Variants in CEP164 observed in about 807,000 individuals in gnomAD.
CEP164 encodes the protein centrosomal protein of 164 kDa.
CEP164 carries 162 observed loss-of-function variants against 182.7 expected under a neutral mutation model. The observed-to-expected ratio is 0.89, with a 90% CI of 0.78 to 1.01. The LOEUF (loss-of-function observed/expected upper bound fraction) is 1.01, where lower values mean the gene tolerates loss of function less well. Ranked by LOEUF, CEP164 falls within the 50% of genes least tolerant of loss-of-function variation. The pLI is 0.00. For missense variants in CEP164, 1,735 were observed against 1,790.4 expected (o/e 0.97, Z 0.56); for synonymous variants, 661 against 690.0 (o/e 0.96, Z 0.66).
Position 117,381,688 on chromosome 11 carries a change from C to A in CEP164, c.1410-13C>A. 1 of 1,603,194 alleles carries A rather than the reference C, an allele frequency of 6.2e-7. No individual in the cohort carries two copies. ...GAGGGGCCTGACTCTGCTGCTCTGC[C>A]CGGCCTGACCAGGTTATCTCCTCCA... On this transcript the variant is annotated splice_polypyrimidine_tract_variant and intron_variant, in intron 12 of 32. Transcript: ENST00000278935.
intron 2 of CEP164, chr11:117,336,141 C>T: frequency 2.6e-6 from 4 of 1,563,870 alleles, no homozygotes; most frequent in Non-Finnish European, 3.5e-6. Context: ...AACATGGCTT[C>T]TGAAGCTTGA....
In CEP164 at chr11:117,372,820, C is replaced by T. The variant is rs145385052; in HGVS notation, c.1153-931C>T. ...TGTGTCGTGACGAGATGGGGGTGGT[C>T]GGGGCAGTAGGTACCACATTTGGCT... On this transcript the variant is annotated intron_variant, in intron 9 of 32. Transcript: ENST00000278935. Among the ~76,000 whole-genome samples, 67 of 152,230 alleles carry T rather than the reference C, an allele frequency of 4.4e-4. 1 individual carries two copies. The East Asian group carries it at 7.0e-3, about 16-fold the overall frequency.
intron 14 of CEP164, chr11:117,384,783 TG>T (rs1175642393): frequency 6.6e-6 from 1 of 152,226 alleles, no homozygotes; most frequent in Non-Finnish European, 1.5e-5. Context: ...CAGGAATGGA[TG>T]GGTTGTCTAG....
chr11:117,392,299 G>A lies in CEP164; in HGVS notation c.2357G>A (p.Arg786Gln), dbSNP rs1296625218. 9.3e-6 allele frequency: 15 copies of A among 1,610,264 alleles called. No individual in the cohort carries two copies. The highest frequency in any genetic ancestry group is 1.7e-5 in the Admixed American group (1 of 59,854). ...RLCSSLEAKH[R>Q]EVVSSLQKKI... ...TGCTCCTCATTGGAGGCCAAGCACC[G>A]GGAGGTAAGATGCAGCATCCTGGGC... Residue 786 changes from arginine to glutamine, a missense_variant, in exon 18 of 33, where the codon CGG (arginine) becomes CAG (glutamine). Transcript: ENST00000278935.
Position 117,344,266 on chromosome 11 carries a change from G to C in CEP164, c.183G>C (p.Glu61Asp), listed in dbSNP as rs745920052. 2 of 1,612,204 alleles carry C rather than the reference G, an allele frequency of 1.2e-6. No homozygotes were observed. The highest frequency in any genetic ancestry group is 1.7e-6 in the Non-Finnish European group (2 of 1,179,100). Residue 61 changes from glutamate to aspartate, a missense_variant, in exon 4 of 33, where the codon GAG becomes GAC. Glu to Asp is a conservative substitution (Grantham distance 45, BLOSUM62 2). Coordinates refer to ENST00000278935, the MANE Select transcript of CEP164 (RefSeq NM_014956.5). ...GCATCGTGGCCCCACTGCCTGGAGA[G>C]TGGAAACCATGGTAAGTCAGCAGGG... is the stretch of plus-strand genomic sequence containing the variant. ...REGIVAPLPG[E>D]WKPCQDITGD...
At chr11:117,363,137 T>C (rs554620271) in intron 7 of CEP164, among the ~76,000 whole-genome samples, 2 of 152,368 alleles carry the variant, frequency 1.3e-5, no homozygotes, top group East Asian at 3.9e-4. Flanking sequence ...AGAAGTTTTT[T>C]TGGCCTACAG....
chr11:117,322,282 A>AT (rs1386454563), intron 1 of CEP164, among the ~76,000 whole-genome samples: 1 of 151,800 alleles, frequency 6.6e-6, no homozygotes, highest in Non-Finnish European at 1.5e-5. Context: ...TGCCCGGCTA[A>AT]TTTTTTGTAT....
At chr11:117,396,489 T>C in intron 25 of CEP164, 61 bp from the exon 26 acceptor site, 1 of 1,408,996 alleles carries the variant, frequency 7.1e-7, no homozygotes, top group Non-Finnish European at 1.0e-6. Flanking sequence ...TTTGGGGTCT[T>C]GAACCTGCAG....
Position 117,363,509 on chromosome 11 carries a change from A to G in CEP164, c.765+3A>G. ...TGGGGGGTGACTTTGAGTATGAGGT[A>G]AGAGCCCTAATCCCTACAGGCACAT... On this transcript the variant is annotated splice_donor_region_variant and intron_variant, in intron 8 of 32. Coordinates refer to ENST00000278935, the MANE Select transcript of CEP164 (RefSeq NM_014956.5). 6.2e-7 allele frequency: 1 copy of G among 1,608,604 alleles called. No homozygotes were observed. The highest frequency in any genetic ancestry group is 1.3e-5 in the African/African-American group (1 of 74,916).
Position 117,380,619 on chromosome 11 carries a change from G to T in CEP164, c.1323G>T (p.Gln441His). 6 of 1,599,474 alleles carry T rather than the reference G, an allele frequency of 3.8e-6. No individual in the cohort carries two copies. The highest frequency in any genetic ancestry group is 5.1e-6 in the Non-Finnish European group (6 of 1,172,756). Residue 441 changes from glutamine (Q) to histidine (H), a missense_variant, in exon 12 of 33, where the codon CAG (glutamine) becomes CAT (histidine). By Grantham distance (24) the Gln-to-His change is conservative (BLOSUM62 0). Coordinates refer to ENST00000278935, the MANE Select transcript of CEP164 (RefSeq NM_014956.5). ...TTATTGCTTCTCTCCTACAGGCCCAGCAACCACTGGGAATAGAAGACAAGG... is the reference window on the plus strand; with the variant it reads ...TTATTGCTTCTCTCCTACAGGCCCATCAACCACTGGGAATAGAAGACAAGG... The part of the protein sequence containing the change: ...PVLGGACRQA[Q>H]QPLGIEDKDD...
rs778063953 is a variant in CEP164, at chr11:117,409,734, T to TCGC, written c.3875_3877dup (p.Pro1292dup). The TCGC allele has an allele frequency of 3.1e-6, 5 of 1,613,740 alleles. No individual in the cohort carries two copies. The highest frequency in any genetic ancestry group is 4.2e-6 in the Non-Finnish European group (5 of 1,179,860). On this transcript the variant is annotated inframe_insertion, in exon 30 of 33. Transcript: ENST00000278935. The surrounding 1 kb of genome is among the most constrained non-coding windows in gnomAD (Gnocchi z 4.4). ...CATCCTGGACAGCCTCAACCCTCAG[T>TCGC]CGCCGCCGCCGCTCCTCGCCTCCAT...
chr11:117,355,646 C>G, intron 5 of CEP164: 1 of 1,192,694 alleles, frequency 8.4e-7, no homozygotes, highest in Non-Finnish European at 1.1e-6. Context: ...TACTGAAGAC[C>G]TGAGCTGGCA....
chr11:117,392,154 C>G (rs1249730635), intron 17 of CEP164, 72 bp from the exon 18 acceptor site: 1 of 1,398,222 alleles, frequency 7.2e-7, no homozygotes, highest in Non-Finnish European at 9.6e-7. Context: ...GGTCGGTAGT[C>G]TTCCTGGCTC....
intron 28 of CEP164, 107 bp from the exon 29 acceptor site, chr11:117,408,783 A>G (rs1389881918): frequency 3.5e-6 from 5 of 1,425,450 alleles, no homozygotes; most frequent in Admixed American, 2.2e-5. Flanking sequence ...AAGACAAAAC[A>G]TAAAGAAGAA....
chr11:117,392,495 G>A lies in CEP164; in HGVS notation c.2362-1G>A. On this transcript the variant is annotated splice_acceptor_variant, in intron 18 of 32. Transcript: ENST00000278935. LOFTEE classifies it high-confidence loss of function. ...CCCTGTGTGTGCGGGGGCCTCCTCA[G>A]GTGGTCTCCAGCCTCCAGAAGAAGA... The A allele has an allele frequency of 6.2e-7, 1 of 1,613,380 alleles. No individual in the cohort carries two copies. The highest frequency in any genetic ancestry group is 8.5e-7 in the Non-Finnish European group (1 of 1,179,698).
Position 117,338,548 on chromosome 11 carries a change from G to T in CEP164, c.-21-18G>T. The T allele has an allele frequency of 1.3e-6, 2 of 1,562,764 alleles. No homozygotes were observed. The highest frequency in any genetic ancestry group is 1.8e-6 in the Non-Finnish European group (2 of 1,133,794). On this transcript the variant is annotated intron_variant, in intron 2 of 32. Coordinates refer to ENST00000278935, the MANE Select transcript of CEP164 (RefSeq NM_014956.5). Reference sequence around the variant, plus strand: ...GGTCACTGATTTTTCTCTTTTGGTGGGGGCCTCTGGGATCTAGGTGTTTGA... The same window carrying T: ...GGTCACTGATTTTTCTCTTTTGGTGTGGGCCTCTGGGATCTAGGTGTTTGA...
chr11:117,409,187 C>A lies in CEP164; in HGVS notation c.3748+159C>A. On this transcript the variant is annotated intron_variant, in intron 29 of 32. Transcript: ENST00000278935. The surrounding 1 kb of genome is among the most constrained non-coding windows in gnomAD (Gnocchi z 4.4). The stretch of plus-strand genomic sequence containing the variant: ...CGGTCAGTGCTGGGAAGGAATCACA[C>A]CATCTAGGTTTGCCAGCACGTGGGG... 1 of 979,914 alleles carries A rather than the reference C, an allele frequency of 1.0e-6. No individual in the cohort carries two copies. The highest frequency in any genetic ancestry group is 1.5e-6 in the Non-Finnish European group (1 of 672,828). 60.7% of individuals were successfully genotyped at this position (979,914 alleles called of 1,614,324 possible).
chr11:117,385,066 G>C (rs757863013), intron 14 of CEP164: 1 of 152,198 alleles, frequency 6.6e-6, no homozygotes, highest in Non-Finnish European at 1.5e-5. Flanking sequence ...AACTTTTGTG[G>C]TAGTACCATG....
rs74877273 is a variant in CEP164 at position 117,356,049 on chromosome 11, C to G, written c.393+4061C>G. ...AGCAACCTGGCCTCACACCTGGGCT[C>G]TCCTGTCCTGGATGAGGTGAACAAC... On this transcript the variant is annotated intron_variant, in intron 5 of 32. Coordinates refer to ENST00000278935, the MANE Select transcript of CEP164 (RefSeq NM_014956.5). 64 of 1,119,604 alleles carry G rather than the reference C, an allele frequency of 5.7e-5. No homozygotes were observed. The African/African-American group carries it at 1.0e-3, about 17-fold the overall frequency. The allele number at this position is 1,119,604 out of a possible 1,614,324, so 69.4% of individuals were successfully genotyped here.
Sources: gnomAD v4.1 joint callset for allele counts (sites outside exome capture counted in the v4.1 genomes callset) on GRCh38, gnomAD v4.1.1 for gene constraint, Gnocchi (gnomAD v3.1) non-coding constraint, MANE v1.5 for transcripts, NCBI Gene and HGNC (gene_info 2026-07-23, HGNC 2026-07-21) for gene names.